The following STK39 variants were observed in gnomAD, a reference collection of about 807,000 sequenced individuals.
The protein encoded by STK39 is serine/threonine kinase 39.
Under a neutral mutation model 77.8 loss-of-function variants are expected in STK39, and 20 were observed. That is an observed-to-expected ratio of 0.26 (90% confidence interval 0.18 to 0.37). The LOEUF is 0.37. STK39 is among the 10% of genes least tolerant of loss of function. The pLI is 1.00. For synonymous variants in STK39, 246 were observed against 234.1 expected, an observed-to-expected ratio of 1.05 and a Z score of -0.47; for missense variants, 479 against 656.5, an observed-to-expected ratio of 0.73 and a Z score of 2.95.
chr2:168,183,996 T>C (rs145607849), intron 1 of STK39, among the ~76,000 whole-genome samples: 1 of 152,318 alleles, frequency 6.6e-6, no homozygotes, highest in African/African-American at 2.4e-5. Flanking sequence ...CTAACATCTT[T>C]AGCTGCTGGT....
intron 17 of STK39, among the ~76,000 whole-genome samples, chr2:167,959,568 TGTAG>T: frequency 6.6e-6 from 1 of 152,174 alleles, no homozygotes; most frequent in East Asian, 1.9e-4. Flanking sequence ...AGAAAAAACA[TGTAG>T]GTAAGCTCAA....
At chr2:168,226,047 A>G (rs527763381) in intron 1 of STK39, among the ~76,000 whole-genome samples, 3 of 152,220 alleles carry the variant, frequency 2.0e-5, no homozygotes, top group Non-Finnish European at 4.4e-5. Flanking sequence ...GCTATGAGTG[A>G]GCCAAAATTC....
At chr2:168,114,432 T>C (rs2105475974) in intron 10 of STK39, among the ~76,000 whole-genome samples, 1 of 152,330 alleles carries the variant, frequency 6.6e-6, no homozygotes, top group South Asian at 2.1e-4. Flanking sequence ...AAAGCATTTT[T>C]AGAATCTCTG....
At chr2:168,162,122 C>A (rs983535953) in intron 4 of STK39, among the ~76,000 whole-genome samples, 1 of 151,844 alleles carries the variant, frequency 6.6e-6, no homozygotes, top group African/African-American at 2.4e-5. Context: ...CCCATCTCTA[C>A]TAAAAATATA....
At chr2:168,032,151 A>T (rs1161895711) in intron 14 of STK39, among the ~76,000 whole-genome samples, 1 of 152,254 alleles carries the variant, frequency 6.6e-6, no homozygotes, top group African/African-American at 2.4e-5. Flanking sequence ...CTCCACCATG[A>T]AGGATATATC....
At chr2:168,189,824 T>C (rs1219396413) in intron 1 of STK39, among the ~76,000 whole-genome samples, 6 of 152,222 alleles carry the variant, frequency 3.9e-5, no homozygotes, top group African/African-American at 1.2e-4. Flanking sequence ...AAAACTCTAT[T>C]GTAGGATTTT....
At chr2:168,006,117 G>T (rs1244529631) in intron 16 of STK39, among the ~76,000 whole-genome samples, 1 of 152,182 alleles carries the variant, frequency 6.6e-6, no homozygotes, top group Admixed American at 6.5e-5. Context: ...GCTAGGGAAG[G>T]GTGGTATAAA....
chr2:168,220,528 A>T (rs1690141506), intron 1 of STK39, among the ~76,000 whole-genome samples: 1 of 152,228 alleles, frequency 6.6e-6, no homozygotes, highest in Non-Finnish European at 1.5e-5. Flanking sequence ...GCAGCGATTA[A>T]TAGAGCACTG....
intron 15 of STK39, among the ~76,000 whole-genome samples, chr2:168,014,952 C>T (rs767023294): frequency 1.3e-5 from 2 of 152,192 alleles, no homozygotes; most frequent in Non-Finnish European, 2.9e-5. Flanking sequence ...GTTTTCAGGA[C>T]TCCTGGGCAC....
intron 1 of STK39, among the ~76,000 whole-genome samples, chr2:168,244,143 A>G (rs1384154121): frequency 2.0e-5 from 3 of 152,232 alleles, no homozygotes; most frequent in Non-Finnish European, 2.9e-5. Flanking sequence ...TAAACTTATG[A>G]ACCAGAATAC....
At chr2:168,003,124 C>T (rs772406407) in intron 16 of STK39, among the ~76,000 whole-genome samples, 2 of 152,196 alleles carry the variant, frequency 1.3e-5, no homozygotes, top group Admixed American at 6.5e-5. Context: ...GCTGGGATTA[C>T]AGGCACACAC....
intron 1 of STK39, among the ~76,000 whole-genome samples, chr2:168,246,697 C>T (rs1218853326): frequency 6.6e-6 from 1 of 152,176 alleles, no homozygotes; most frequent in African/African-American, 2.4e-5. Flanking sequence ...AGCACTGGGG[C>T]CTCCGCGGCT....
At chr2:168,219,991 T>C (rs991172965) in intron 1 of STK39, among the ~76,000 whole-genome samples, 6 of 152,110 alleles carry the variant, frequency 3.9e-5, no homozygotes, top group African/African-American at 1.2e-4. Flanking sequence ...TATGAGGTAC[T>C]GTCCAAGGAA....
At chr2:168,180,075 G>A (rs1039368028) in intron 2 of STK39, among the ~76,000 whole-genome samples, 1 of 152,124 alleles carries the variant, frequency 6.6e-6, no homozygotes, top group African/African-American at 2.4e-5. Context: ...AGCCAGGTGC[G>A]GTGGCTCACA....
intron 12 of STK39, among the ~76,000 whole-genome samples, chr2:168,069,267 T>C (rs556741922): frequency 1.3e-5 from 2 of 152,276 alleles, no homozygotes; most frequent in African/African-American, 2.4e-5. Context: ...CATGTGACAA[T>C]AGCAATAAGT....
chr2:168,200,063 G>T (rs1181047528), intron 1 of STK39, among the ~76,000 whole-genome samples: 3 of 152,068 alleles, frequency 2.0e-5, no homozygotes, highest in African/African-American at 7.2e-5. Flanking sequence ...GCAACAACCA[G>T]AACGACCAAA....
At chr2:168,212,689 T>C (rs991434161) in intron 1 of STK39, among the ~76,000 whole-genome samples, 3 of 152,116 alleles carry the variant, frequency 2.0e-5, no homozygotes, top group African/African-American at 7.2e-5. Context: ...CAGGTAAAGG[T>C]CACATTTCAG....
chr2:168,025,620 G>A (rs1298822286), intron 14 of STK39, among the ~76,000 whole-genome samples: 1 of 152,232 alleles, frequency 6.6e-6, no homozygotes, highest in Non-Finnish European at 1.5e-5. Flanking sequence ...GGCTGTAAAA[G>A]GTTGAGGGAG....
At chr2:167,984,095 A>G (rs4667988) in intron 16 of STK39, among the ~76,000 whole-genome samples, 85,062 of 151,996 alleles carry the variant, frequency 0.56, 24,880 homozygotes, top group African/African-American at 0.67. Flanking sequence ...TTTTAAGCAG[A>G]TGTGTGTTCT....
Sources: gnomAD v4.1 joint callset for allele counts (sites outside exome capture counted in the v4.1 genomes callset) on GRCh38, gnomAD v4.1.1 for gene constraint, MANE v1.5 for transcripts, NCBI Gene and HGNC (gene_info 2026-07-23, HGNC 2026-07-21) for gene names.